The following SCML1 variants were observed in gnomAD, a reference collection of about 807,000 sequenced individuals.
SCML1 encodes Scm polycomb group protein like 1, also known as sex comb on midleg-like protein 1.
For missense variants in SCML1, 137 were observed against 258.1 expected, an observed-to-expected ratio of 0.53 and a Z score of 3.22; for synonymous variants, 104 against 103.6, an observed-to-expected ratio of 1.00 and a Z score of -0.02.
chrX:17,749,691 T>C (rs1014121095), intron 5 of SCML1, 187 bp downstream of exon 5: 3 of 498,046 alleles, frequency 6.0e-6, no homozygotes, highest in Non-Finnish European at 6.6e-6. Flanking sequence ...TAATTTATGA[T>C]GCTGCCTATT....
chrX:17,741,933 A>G (rs1569327154), intron 1 of SCML1, among the ~76,000 whole-genome samples: 1 of 112,365 alleles, frequency 8.9e-6, no homozygotes, highest in East Asian at 2.8e-4. Context: ...TAATCAAAGA[A>G]TCAAAAGAAA....
Position 17,741,810 on chromosome X carries a change from C to A in SCML1, c.-116-2261C>A, listed in dbSNP as rs1318279852. ...CTAAGAACCCATGACTATATTCCCTCCCTTGGACACCCCTAGTAAACGTTC... is the reference window on the plus strand; with the variant it reads ...CTAAGAACCCATGACTATATTCCCTACCTTGGACACCCCTAGTAAACGTTC... On this transcript the variant is annotated intron_variant, in intron 1 of 7. Coordinates refer to ENST00000380041, the MANE Select transcript of SCML1 (RefSeq NM_001037540.3). 2.7e-5 allele frequency among the ~76,000 whole-genome samples: 3 copies of A among 111,325 alleles called. No individual in the cohort carries two copies. In the East Asian group the frequency reaches 8.4e-4, roughly 31 times the overall value.
intron 1 of SCML1, among the ~76,000 whole-genome samples, chrX:17,739,236 C>T (rs769159904): frequency 9.1e-5 from 10 of 110,442 alleles, no homozygotes; most frequent in African/African-American, 3.3e-4. Flanking sequence ...CTCATTTTTA[C>T]GGGATTTGAG....
At chrX:17,739,079 C>T (rs1320639604) in intron 1 of SCML1, among the ~76,000 whole-genome samples, 3 of 108,477 alleles carry the variant, frequency 2.8e-5, no homozygotes, top group Non-Finnish European at 3.8e-5. Flanking sequence ...TAATTAATTT[C>T]GCACAATCTA....
In SCML1 at chrX:17,753,993, T is replaced by G. The variant is rs1388846147; in HGVS notation, c.*601T>G. Reference sequence around the variant, plus strand: ...GCATATAAACTTTTATTATGTGCTCTTAACAGTTTTAAGATAAACTATAGG... The same window carrying G: ...GCATATAAACTTTTATTATGTGCTCGTAACAGTTTTAAGATAAACTATAGG... On this transcript the variant is annotated 3_prime_UTR_variant, in exon 8 of 8. Transcript: ENST00000380041. 1.8e-5 allele frequency: 2 copies of G among 112,384 alleles called. No homozygotes were observed. Among genetic ancestry groups the G allele is most frequent in the East Asian group, 5.5e-4 (2 of 3,633 alleles). 9.3% of individuals were successfully genotyped at this position (112,384 alleles called of 1,213,427 possible). A position where few individuals can be genotyped will look rare whatever the true frequency, so the allele number is the denominator to read the frequency against.
At chrX:17,737,778 G>A (rs1427047694) in intron 1 of SCML1, 98 bp downstream of exon 1, 1 of 111,968 alleles carries the variant, frequency 8.9e-6, no homozygotes, top group Admixed American at 9.4e-5. Context: ...GAGAGGGTTT[G>A]CTTTGCGGGG....
rs1397704267 is a variant in SCML1 at position 17,744,191 on chromosome X, T to C, written c.5T>C (p.Met2Thr). 8.3e-7 allele frequency: 1 copy of C among 1,203,464 alleles called. No homozygotes were observed. Among genetic ancestry groups the C allele is most frequent in the Middle Eastern group, 2.3e-4 (1 of 4,355 alleles). The change falls in exon 2 of 8, where the codon ATG (methionine) becomes ACG (threonine). Residue 2 changes from methionine (M) to threonine (T), a missense_variant. Transcript: ENST00000380041. Reference protein sequence around the residue: MMSNSSSEIDVI... With the variant: MTSNSSSEIDVI... ...AGTTTCTCCTGTTGCACAAAAATGA[T>C]GTCTAACAGCTCCAGTGAAATCGAT...
At chrX:17,742,660 G>T (rs773121215) in intron 1 of SCML1, among the ~76,000 whole-genome samples, 12 of 112,228 alleles carry the variant, frequency 1.1e-4, no homozygotes, top group African/African-American at 3.9e-4. Flanking sequence ...CTACCTCTAG[G>T]AATTTATCCC....
intron 5 of SCML1, 159 bp downstream of exon 5, chrX:17,749,663 G>A (rs951492093): frequency 5.3e-5 from 26 of 489,641 alleles, no homozygotes; most frequent in African/African-American, 1.2e-4. Context: ...TTGGGAGAAC[G>A]CTGAAGTTTA....
At chrX:17,737,317 G>A (rs1169937978), upstream of SCML1, 3 of 101,207 alleles carry the variant, frequency 3.0e-5, no homozygotes, top group African/African-American at 1.1e-4. Flanking sequence ...CATCTCCTTA[G>A]CAAATTCCCG....
intron 2 of SCML1, chrX:17,745,027 T>C (rs1378570211): frequency 1.8e-5 from 2 of 113,283 alleles, no homozygotes; most frequent in African/African-American, 3.2e-5. Flanking sequence ...TTTTTAAAAG[T>C]TTTAAGGTAC....
chrX:17,752,221 G>A (rs1237299950), intron 7 of SCML1, among the ~76,000 whole-genome samples: 1 of 111,786 alleles, frequency 8.9e-6, no homozygotes, highest in Non-Finnish European at 1.9e-5. Context: ...GGCCACTCAG[G>A]TGTACCTCCC....
At chrX:17,737,139 G>A (rs901724071), upstream of SCML1, among the ~76,000 whole-genome samples, 1 of 110,925 alleles carries the variant, frequency 9.0e-6, no homozygotes, top group Admixed American at 9.4e-5. Context: ...CTCAGCGCGC[G>A]AGTCTCTGAA....
intron 7 of SCML1, 116 bp downstream of exon 7, chrX:17,752,082 A>G (rs1380577882): frequency 2.3e-5 from 18 of 798,194 alleles, no homozygotes; most frequent in Non-Finnish European, 3.2e-5. Context: ...TGATTTTTCC[A>G]TATATGAGAA....
chrX:17,751,647 A>G (rs763048889), intron 6 of SCML1, among the ~76,000 whole-genome samples, 168 bp from the exon 7 acceptor site: 1 of 112,425 alleles, frequency 8.9e-6, no homozygotes, highest in South Asian at 3.7e-4. Context: ...TCATCTTTAT[A>G]TAGGCTTTCA....
intron 1 of SCML1, among the ~76,000 whole-genome samples, chrX:17,738,468 C>T (rs769270804): frequency 3.6e-5 from 4 of 112,642 alleles, no homozygotes; most frequent in Admixed American, 1.9e-4. Flanking sequence ...GCTGGGTGCC[C>T]TTTTGGGCCT....
At chrX:17,740,615 C>T (rs965345937) in intron 1 of SCML1, among the ~76,000 whole-genome samples, 1 of 111,980 alleles carries the variant, frequency 8.9e-6, no homozygotes, top group African/African-American at 3.3e-5. Flanking sequence ...GGTCTTAATG[C>T]TGTTTGATGC....
chrX:17,748,567 G>A (rs991524660), intron 4 of SCML1, among the ~76,000 whole-genome samples: 5 of 111,357 alleles, frequency 4.5e-5, no homozygotes, highest in African/African-American at 1.6e-4. Flanking sequence ...CCAGGTGGTA[G>A]GCCATCAATA....
chrX:17,747,430 C>A (rs116056397), intron 4 of SCML1, among the ~76,000 whole-genome samples: 1,651 of 111,612 alleles, frequency 0.015, 25 homozygotes, highest in African/African-American at 0.05. Context: ...TCACTCTCTT[C>A]TTCCTGTGAC....
Sources: gnomAD v4.1 joint callset for allele counts (sites outside exome capture counted in the v4.1 genomes callset) on GRCh38, gnomAD v4.1.1 for gene constraint, MANE v1.5 for transcripts, NCBI Gene and HGNC (gene_info 2026-07-23, HGNC 2026-07-21) for gene names.